GLIS3: variants seen among roughly 807,000 people sequenced by gnomAD.
GLIS3 encodes GLIS family zinc finger 3, also known as zinc finger protein GLIS3.
GLIS3 carries 53 observed loss-of-function variants against 78.6 expected under a neutral mutation model. The observed-to-expected ratio is 0.67, with a 90% CI of 0.54 to 0.85. The LOEUF (loss-of-function observed/expected upper bound fraction) is 0.85. Among genes scored for constraint, GLIS3 ranks in the 40% least tolerant of loss-of-function variants. GLIS3 has a pLI of 0.00. For synonymous variants in GLIS3, 684 were observed against 509.9 expected (o/e 1.34, Z -4.60); for missense variants, 1,703 against 1,231.1 (o/e 1.38, Z -5.74).
At chr9:4,431,408 C>T in the GLIS3 span, among the ~76,000 whole-genome samples, 1 of 152,190 alleles carries the variant, frequency 6.6e-6, no homozygotes, top group African/African-American at 2.4e-5. Context: ...TTGTTTCTCA[C>T]TTCTATTACA....
At chr9:4,089,427 C>T (rs778172530) in intron 4 of GLIS3, among the ~76,000 whole-genome samples, 3 of 151,428 alleles carry the variant, frequency 2.0e-5, no homozygotes, top group South Asian at 2.1e-4. Context: ...TTTACATACA[C>T]GACCTTACAA....
At position 4,202,339 on chromosome 9, in the gene GLIS3, G is replaced by C. The variant is rs567644541; in HGVS notation, c.389-76398C>G. Among the ~76,000 whole-genome samples the C allele has an allele frequency of 7.9e-5, 12 of 151,206 alleles. No individual in the cohort carries two copies. In the East Asian group the frequency reaches 2.0e-3, roughly 25 times the overall value. On this transcript the variant is annotated intron_variant, in intron 2 of 10. Coordinates refer to ENST00000381971, the MANE Select transcript of GLIS3 (RefSeq NM_001042413.2). ...CTAATTTTTTTGTATTTTTAGTAGA[G>C]ACAGGGTTTCACCATGTTCACCAGG...
intron 2 of GLIS3, among the ~76,000 whole-genome samples, chr9:4,239,247 A>C (rs1450700335): frequency 6.6e-6 from 1 of 151,552 alleles, no homozygotes; most frequent in Non-Finnish European, 1.5e-5. Flanking sequence ...CAGCACACCA[A>C]CATGGCACAT....
chr9:4,421,864 C>T, the GLIS3 span, among the ~76,000 whole-genome samples: 1 of 152,118 alleles, frequency 6.6e-6, no homozygotes, highest in Non-Finnish European at 1.5e-5. Flanking sequence ...CAGGGATGCC[C>T]CCTAGAATGC....
the GLIS3 span, among the ~76,000 whole-genome samples, chr9:4,377,467 A>C: frequency 8.9e-5 from 12 of 135,458 alleles, 4 homozygotes; most frequent in Non-Finnish European, 2.0e-4. Context: ...GGACTGAGCC[A>C]CTACTGGCTT....
intron 2 of GLIS3, among the ~76,000 whole-genome samples, chr9:4,141,347 C>G (rs1297392516): frequency 6.6e-6 from 1 of 152,164 alleles, no homozygotes; most frequent in Non-Finnish European, 1.5e-5. Flanking sequence ...ATACAAAGGC[C>G]AGACCTTCGG....
chr9:4,037,661 T>C (rs1285134670), intron 4 of GLIS3, among the ~76,000 whole-genome samples: 1 of 152,008 alleles, frequency 6.6e-6, no homozygotes, highest in African/African-American at 2.4e-5. Context: ...AGGAGATAAA[T>C]TTCTCAGAAA....
chr9:4,168,968 C>T (rs115171336), intron 2 of GLIS3, among the ~76,000 whole-genome samples: 5,461 of 152,230 alleles, frequency 0.036, 120 homozygotes, highest in Middle Eastern at 0.092. Flanking sequence ...AGTTATTTAA[C>T]TTATAACTGA....
chr9:4,071,929 C>T (rs1314165736), intron 4 of GLIS3: 1 of 152,194 alleles, frequency 6.6e-6, no homozygotes, highest in African/African-American at 2.4e-5. Context: ...TCAAGAAACA[C>T]ACCAGAGGAG....
intron 9 of GLIS3, among the ~76,000 whole-genome samples, chr9:3,851,693 T>C (rs200899636): frequency 0.085 from 6,417 of 75,132 alleles, 214 homozygotes; most frequent in East Asian, 0.34. Context: ...ATCTTCTTCA[T>C]TTGGAAGACC....
intron 2 of GLIS3, among the ~76,000 whole-genome samples, chr9:4,265,280 G>A (rs1381077121): frequency 1.3e-5 from 2 of 151,754 alleles, no homozygotes; most frequent in African/African-American, 4.8e-5. Context: ...ATCTCATAAT[G>A]CGCTACTTAA....
At chr9:4,029,246 G>C (rs1233580908) in intron 4 of GLIS3, among the ~76,000 whole-genome samples, 2 of 151,974 alleles carry the variant, frequency 1.3e-5, no homozygotes, top group Non-Finnish European at 2.9e-5. Context: ...AACAATATTT[G>C]CCCTTCAGGA....
intron 2 of GLIS3, among the ~76,000 whole-genome samples, chr9:4,131,434 C>G (rs1230970695): frequency 6.6e-6 from 1 of 152,102 alleles, no homozygotes; most frequent in African/African-American, 2.4e-5. Flanking sequence ...GGAGGTGGGG[C>G]CTGGTGGGAG....
the GLIS3 span, among the ~76,000 whole-genome samples, chr9:4,358,561 C>G: frequency 6.6e-6 from 1 of 152,062 alleles, no homozygotes; most frequent in Non-Finnish European, 1.5e-5. Flanking sequence ...GGGGATACAC[C>G]AGGGCCCAAG....
At chr9:3,877,451 T>C (rs1015752014) in intron 8 of GLIS3, among the ~76,000 whole-genome samples, 6 of 152,224 alleles carry the variant, frequency 3.9e-5, no homozygotes, top group African/African-American at 1.2e-4. Flanking sequence ...CTGATTCATA[T>C]TGCTAATTGC....
chr9:4,000,202 C>A (rs1821036111), intron 4 of GLIS3, among the ~76,000 whole-genome samples: 2 of 152,074 alleles, frequency 1.3e-5, no homozygotes, highest in African/African-American at 4.8e-5. Flanking sequence ...CTCTTGAAAA[C>A]AATGCTGAGT....
At chr9:4,288,489 G>A (rs1427556367) in intron 1 of GLIS3, among the ~76,000 whole-genome samples, 2 of 25,874 alleles carry the variant, frequency 7.7e-5, no homozygotes, top group Non-Finnish European at 2.3e-4. Context: ...AAAAATAAAG[G>A]AGTCATTTTT....
the GLIS3 span, among the ~76,000 whole-genome samples, chr9:4,434,794 G>A: frequency 8.5e-5 from 13 of 152,238 alleles, no homozygotes; most frequent in African/African-American, 3.1e-4. Context: ...TAAAAATCCT[G>A]ACATTGAGGA....
intron 4 of GLIS3, among the ~76,000 whole-genome samples, chr9:3,991,655 A>G (rs563370430): frequency 1.6e-4 from 23 of 147,612 alleles, no homozygotes; most frequent in Admixed American, 1.2e-3. Context: ...ATATTATTAT[A>G]TAGTTCAGAA....
Sources: allele counts gnomAD v4.1 joint callset (sites outside exome capture counted in the v4.1 genomes callset), GRCh38; gene constraint gnomAD v4.1.1; transcripts MANE v1.5; gene names NCBI Gene and HGNC (gene_info 2026-07-23, HGNC 2026-07-21).